SDK1: variants seen among roughly 807,000 people sequenced by gnomAD.
The protein encoded by SDK1 is protein sidekick-1.
A neutral mutation model predicts 245.5 loss-of-function variants in SDK1; 157 were observed. That is an observed-to-expected ratio of 0.64 (90% CI 0.56 to 0.73). The LOEUF is 0.73. Among genes scored for constraint, SDK1 ranks in the 30% least tolerant of loss-of-function variants. The pLI is 0.00. For missense variants in SDK1, 3,583 were observed against 3,002.3 expected, an observed-to-expected ratio of 1.19 and a Z score of -4.52; for synonymous variants, 1,647 against 1,278.5, an observed-to-expected ratio of 1.29 and a Z score of -6.15.
chr7:3,543,163 G>A (rs747188253), intron 1 of SDK1, among the ~76,000 whole-genome samples: 3 of 152,190 alleles, frequency 2.0e-5, no homozygotes, highest in African/African-American at 4.8e-5. Context: ...CTCTAGTTGT[G>A]GAAATCGACA....
rs558267388 is a variant in SDK1 at position 3,723,377 on chromosome 7, T to C, written c.713+81272T>C. ...AAGCCTTTGAAAAATACGGTATTTG[T>C]TGATAAAAGGAAACTTCTAAGGGCT... On this transcript the variant is annotated intron_variant, in intron 4 of 44. Transcript: ENST00000404826. 2.6e-5 allele frequency among the ~76,000 whole-genome samples: 4 copies of C among 152,332 alleles called. 1 individual carries two copies. Among genetic ancestry groups the C allele is most frequent in the African/African-American group, 4.8e-5 (2 of 41,580 alleles).
At chr7:3,615,313 G>C (rs1781731708) in intron 1 of SDK1, among the ~76,000 whole-genome samples, 1 of 151,648 alleles carries the variant, frequency 6.6e-6, no homozygotes, top group Non-Finnish European at 1.5e-5. Flanking sequence ...TGGGTAATAA[G>C]AGGAGATGAT....
chr7:4,014,652 AATATTT>A (rs1402769663), intron 16 of SDK1, among the ~76,000 whole-genome samples: 1 of 152,222 alleles, frequency 6.6e-6, no homozygotes, highest in African/African-American at 2.4e-5. Flanking sequence ...GCAGTAATAA[AATATTT>A]ATAATAATAG....
At chr7:3,452,047 G>C (rs1181868888) in intron 1 of SDK1, among the ~76,000 whole-genome samples, 1 of 152,174 alleles carries the variant, frequency 6.6e-6, no homozygotes, top group Non-Finnish European at 1.5e-5. Context: ...AACAGAGATA[G>C]AGAACTAAAT....
chr7:3,619,885 A>T (rs1781881554), intron 2 of SDK1, among the ~76,000 whole-genome samples: 1 of 151,420 alleles, frequency 6.6e-6, no homozygotes, highest in African/African-American at 2.4e-5. Context: ...GTGTAGATTC[A>T]CCTGGAGGCA....
chr7:3,595,956 T>G (rs998822241), intron 1 of SDK1, among the ~76,000 whole-genome samples: 7 of 151,522 alleles, frequency 4.6e-5, no homozygotes, highest in African/African-American at 1.7e-4. Flanking sequence ...ATGGGTATTT[T>G]TTTTTTTTTT....
chr7:3,362,069 G>C (rs566814880), intron 1 of SDK1, among the ~76,000 whole-genome samples: 73 of 152,150 alleles, frequency 4.8e-4, no homozygotes, highest in Non-Finnish European at 9.7e-4. Context: ...GGAAAGGAGA[G>C]AAAAATAATT....
chr7:3,510,794 G>T (rs535936719), intron 1 of SDK1, among the ~76,000 whole-genome samples: 296 of 152,274 alleles, frequency 1.9e-3, no homozygotes, highest in Non-Finnish European at 3.0e-3. Flanking sequence ...TCCAAGACAG[G>T]CCTGGATACG....
intron 20 of SDK1, among the ~76,000 whole-genome samples, chr7:4,075,418 C>T (rs1780605587): frequency 6.6e-6 from 1 of 152,158 alleles, no homozygotes; most frequent in Non-Finnish European, 1.5e-5. Flanking sequence ...TTATTTATTG[C>T]TTTCATCAGA....
intron 22 of SDK1, among the ~76,000 whole-genome samples, chr7:4,097,069 C>G (rs540813913): frequency 2.3e-4 from 35 of 152,354 alleles, no homozygotes; most frequent in Non-Finnish European, 4.6e-4. Flanking sequence ...ACTTTAGGAA[C>G]AGCAAGGAGG....
intron 5 of SDK1, among the ~76,000 whole-genome samples, chr7:3,913,749 C>T (rs1413190939): frequency 6.6e-6 from 1 of 152,254 alleles, no homozygotes; most frequent in East Asian, 1.9e-4. Context: ...TTGTTCTCTC[C>T]AAGCCCAGCA....
intron 1 of SDK1, among the ~76,000 whole-genome samples, chr7:3,469,892 G>A (rs927128764): frequency 2.6e-5 from 4 of 152,138 alleles, no homozygotes; most frequent in African/African-American, 4.8e-5. Context: ...TAAGACATAC[G>A]AAAATAAGTA....
At chr7:3,643,525 CGTGATT>C (rs1782720924) in intron 4 of SDK1, 1 of 145,660 alleles carries the variant, frequency 6.9e-6, no homozygotes, top group Non-Finnish European at 1.5e-5. Flanking sequence ...CCGTAAACCT[CGTGATT>C]CTTGTCTCCA....
intron 3 of SDK1, among the ~76,000 whole-genome samples, chr7:3,640,353 T>A (rs1209958018): frequency 6.6e-6 from 1 of 152,232 alleles, no homozygotes; most frequent in Non-Finnish European, 1.5e-5. Flanking sequence ...GTCTTGTAGC[T>A]TTCAGTGTGA....
intron 1 of SDK1, among the ~76,000 whole-genome samples, chr7:3,358,749 A>G (rs1780875088): frequency 6.6e-6 from 1 of 152,256 alleles, no homozygotes; most frequent in Admixed American, 6.5e-5. Context: ...TGAGGTCTTT[A>G]TACGTACTTG....
At chr7:4,005,409 T>A (rs1338831171) in intron 14 of SDK1, among the ~76,000 whole-genome samples, 1 of 146,828 alleles carries the variant, frequency 6.8e-6, no homozygotes, top group African/African-American at 2.5e-5. Flanking sequence ...TGTGTGTGTG[T>A]GTGTGTGTGT....
chr7:3,566,274 G>C (rs1341025564), intron 1 of SDK1, among the ~76,000 whole-genome samples: 3 of 144,508 alleles, frequency 2.1e-5, no homozygotes, highest in Admixed American at 7.3e-5. Flanking sequence ...GCCCAGGCTG[G>C]AGTGCAGTGG....
chr7:3,941,784 T>C (rs1780377863), intron 5 of SDK1, among the ~76,000 whole-genome samples: 1 of 152,216 alleles, frequency 6.6e-6, no homozygotes, highest in Non-Finnish European at 1.5e-5. Context: ...TTCAACTTTG[T>C]ATCCCCAGCA....
chr7:3,383,252 A>G (rs1051359882), intron 1 of SDK1, among the ~76,000 whole-genome samples: 2 of 152,162 alleles, frequency 1.3e-5, no homozygotes. Context: ...CTACCAAAAC[A>G]TAACAAAAAT....
Sources: allele counts gnomAD v4.1 joint callset (sites outside exome capture counted in the v4.1 genomes callset), GRCh38; gene constraint gnomAD v4.1.1; transcripts MANE v1.5; gene names NCBI Gene and HGNC (gene_info 2026-07-23, HGNC 2026-07-21).